NELL1: variants seen among roughly 807,000 people sequenced by gnomAD.
NELL1 encodes the protein neural EGFL like 1.
NELL1 carries 76 observed loss-of-function variants against 107.4 expected under a neutral mutation model. That is an observed-to-expected ratio of 0.71 (90% CI 0.59 to 0.86). The LOEUF (loss-of-function observed/expected upper bound fraction) is 0.86. Ranked by LOEUF, NELL1 falls within the 40% of genes least tolerant of loss-of-function variation. The probability of loss-of-function intolerance (pLI) is 0.00; values close to 1 mark genes in which losing one functional copy is unlikely to be tolerated. For missense variants in NELL1, 1,024 were observed against 1,005.5 expected (o/e 1.02, Z -0.25); for synonymous variants, 353 against 341.2 (o/e 1.03, Z -0.38).
chr11:21,175,597 T>C (rs2133817791), intron 13 of NELL1, among the ~76,000 whole-genome samples: 1 of 152,000 alleles, frequency 6.6e-6, no homozygotes, highest in South Asian at 2.1e-4. Context: ...TTCTCATCTT[T>C]AAGGTACAAA....
intron 7 of NELL1, among the ~76,000 whole-genome samples, chr11:20,919,778 C>T (rs1402969748): frequency 6.6e-6 from 1 of 152,134 alleles, no homozygotes; most frequent in Non-Finnish European, 1.5e-5. Flanking sequence ...CATTATATTA[C>T]ATTTTTAATG....
intron 13 of NELL1, among the ~76,000 whole-genome samples, chr11:21,131,628 T>C (rs928420616): frequency 6.6e-6 from 1 of 152,270 alleles, no homozygotes; most frequent in East Asian, 1.9e-4. Flanking sequence ...TCCTTTTTTG[T>C]TTTTTTGTTT....
chr11:20,755,563 T>TTTTTTTTTATTTA (rs1590264069), intron 2 of NELL1, among the ~76,000 whole-genome samples: 1 of 19,114 alleles, frequency 5.2e-5, no homozygotes, highest in East Asian at 1.6e-3. Context: ...TTTGTTTTTG[T>TTTTTTTTTATTTA]TTTTTTTTTT....
chr11:21,382,097 T>C (rs57471159), intron 15 of NELL1, among the ~76,000 whole-genome samples: 2,783 of 151,906 alleles, frequency 0.018, 83 homozygotes, highest in African/African-American at 0.063. Context: ...TAGTTCTTCG[T>C]TGATTCCTCA....
At chr11:21,146,367 T>C (rs1013538254) in intron 13 of NELL1, among the ~76,000 whole-genome samples, 7 of 152,294 alleles carry the variant, frequency 4.6e-5, no homozygotes, top group Admixed American at 3.9e-4. Context: ...CAGGAAGCCT[T>C]TCCCATCTTT....
At chr11:21,377,996 G>C (rs1486570023) in intron 15 of NELL1, among the ~76,000 whole-genome samples, 1 of 151,876 alleles carries the variant, frequency 6.6e-6, no homozygotes, top group African/African-American at 2.4e-5. Context: ...ATCATCCCTG[G>C]ACTTTATCCA....
intron 12 of NELL1, among the ~76,000 whole-genome samples, chr11:21,083,516 A>G (rs1325704048): frequency 6.6e-6 from 1 of 152,162 alleles, no homozygotes; most frequent in Non-Finnish European, 1.5e-5. Context: ...TGGCAGTTAC[A>G]ATACAAATTG....
intron 12 of NELL1, among the ~76,000 whole-genome samples, chr11:21,105,466 G>T (rs547903410): frequency 1.3e-5 from 2 of 152,204 alleles, no homozygotes; most frequent in Admixed American, 1.3e-4. Flanking sequence ...GTCTCTACCT[G>T]GCCATTGCCA....
At chr11:20,756,327 A>C (rs1856285943) in intron 2 of NELL1, among the ~76,000 whole-genome samples, 1 of 151,370 alleles carries the variant, frequency 6.6e-6, no homozygotes, top group South Asian at 2.1e-4. Flanking sequence ...TTTAGGTCAG[A>C]TAATTCCTTT....
intron 4 of NELL1, among the ~76,000 whole-genome samples, chr11:20,872,368 A>G (rs1230174876): frequency 2.0e-5 from 3 of 151,786 alleles, no homozygotes; most frequent in African/African-American, 7.3e-5. Flanking sequence ...TCTTGTAGAG[A>G]TGATGTTTTG....
intron 12 of NELL1, among the ~76,000 whole-genome samples, chr11:21,015,951 G>A (rs1323569982): frequency 6.6e-6 from 1 of 152,090 alleles, no homozygotes; most frequent in Non-Finnish European, 1.5e-5. Context: ...AATGCAATGT[G>A]TAGAGCTTTT....
intron 3 of NELL1, among the ~76,000 whole-genome samples, chr11:20,820,237 T>A (rs1228237019): frequency 6.6e-6 from 1 of 152,192 alleles, no homozygotes; most frequent in African/African-American, 2.4e-5. Context: ...ATATACAGAA[T>A]GTATGAGGCT....
At chr11:20,689,430 C>T (rs1390117511) in intron 2 of NELL1, among the ~76,000 whole-genome samples, 2 of 99,576 alleles carry the variant, frequency 2.0e-5, no homozygotes, top group African/African-American at 3.9e-5. Flanking sequence ...TGCTATCCCT[C>T]CCCCCTCCCC....
At chr11:21,118,659 C>G (rs751636322) in intron 13 of NELL1, among the ~76,000 whole-genome samples, 2 of 152,066 alleles carry the variant, frequency 1.3e-5, no homozygotes, top group Non-Finnish European at 2.9e-5. Context: ...TTATTTGACT[C>G]CGGATCCTGA....
At chr11:20,917,331 A>G (rs1325769139) in intron 5 of NELL1, among the ~76,000 whole-genome samples, 1 of 151,976 alleles carries the variant, frequency 6.6e-6, no homozygotes, top group African/African-American at 2.4e-5. Context: ...TTTTCTTGAA[A>G]TAATAAGCCA....
rs1024102741 is a variant in NELL1 at position 21,200,876 on chromosome 11, A to G, written c.1427-28456A>G. ...ACGGCTAGCCAGTTTACCCAACACC[A>G]TTTATTAAATAGAGTATTCTTTCCC... is the stretch of plus-strand genomic sequence containing the variant. On this transcript the variant is annotated intron_variant, in intron 13 of 19. Transcript: ENST00000357134. 2.6e-5 allele frequency among the ~76,000 whole-genome samples: 4 copies of G among 152,284 alleles called. No homozygotes were observed. The East Asian group carries it at 5.8e-4, about 22-fold the overall frequency.
At chr11:21,111,928 C>T (rs1855116784) in intron 12 of NELL1, among the ~76,000 whole-genome samples, 1 of 152,070 alleles carries the variant, frequency 6.6e-6, no homozygotes, top group South Asian at 2.1e-4. Flanking sequence ...CATCGTCCTA[C>T]CAAAGACCTT....
chr11:20,727,531 T>C (rs1855536191), intron 2 of NELL1, among the ~76,000 whole-genome samples: 1 of 152,228 alleles, frequency 6.6e-6, no homozygotes. Context: ...TAAAATTTTC[T>C]CCCATTCTGT....
At chr11:20,866,304 C>T (rs1443674128) in intron 4 of NELL1, among the ~76,000 whole-genome samples, 1 of 152,086 alleles carries the variant, frequency 6.6e-6, no homozygotes, top group Admixed American at 6.5e-5. Context: ...AAATACCCTC[C>T]AAAGCTGAGG....
Sources: allele counts gnomAD v4.1 joint callset (sites outside exome capture counted in the v4.1 genomes callset), GRCh38; gene constraint gnomAD v4.1.1; transcripts MANE v1.5; gene names NCBI Gene and HGNC (gene_info 2026-07-23, HGNC 2026-07-21).